The following ADCY9 variants were observed in gnomAD, a reference collection of about 807,000 sequenced individuals.
ADCY9 encodes adenylate cyclase 9.
ADCY9 carries 50 observed loss-of-function variants against 101.5 expected under a neutral mutation model. The ratio of observed to expected loss-of-function variants is 0.49; its 90% confidence interval spans 0.39 to 0.62. The LOEUF (loss-of-function observed/expected upper bound fraction) is 0.62, where lower values mean the gene tolerates loss of function less well. ADCY9 is among the 20% of genes least tolerant of loss of function. The pLI is 0.00. For missense variants in ADCY9, 1,662 were observed against 1,800.4 expected (o/e 0.92, Z 1.39); for synonymous variants, 905 against 769.3 (o/e 1.18, Z -2.92).
rs151002268 is a variant in ADCY9 at position 3,995,901 on chromosome 16, C to T, written c.1885-2391G>A. Reference sequence around the variant, plus strand: ...AAAATATACATGCCAAAACAGCTAGCGAAATCATTAATTAACATATCTGAG... The same window carrying T: ...AAAATATACATGCCAAAACAGCTAGTGAAATCATTAATTAACATATCTGAG... On this transcript the variant is annotated intron_variant, in intron 3 of 10. Transcript: ENST00000294016. 2.5e-3 allele frequency among the ~76,000 whole-genome samples: 382 copies of T among 152,124 alleles called. 1 individual carries two copies. Among genetic ancestry groups the T allele is most frequent in the African/African-American group, 8.3e-3 (346 of 41,470 alleles).
chr16:4,074,926 A>G (rs539820699), intron 2 of ADCY9, among the ~76,000 whole-genome samples: 8 of 152,170 alleles, frequency 5.3e-5, no homozygotes, highest in Admixed American at 3.9e-4. Context: ...TGTAATCCCA[A>G]TACTTTTGAG....
At chr16:4,055,332 A>C (rs1002977836) in intron 2 of ADCY9, among the ~76,000 whole-genome samples, 2 of 152,162 alleles carry the variant, frequency 1.3e-5, no homozygotes, top group Non-Finnish European at 2.9e-5. Context: ...CAGGAGTTCA[A>C]GACCAACCTG....
In ADCY9 at chr16:3,994,935, G is replaced by A. The variant is rs759830606; in HGVS notation, c.1885-1425C>T. 3.7e-4 allele frequency among the ~76,000 whole-genome samples: 57 copies of A among 152,066 alleles called. 1 individual carries two copies. The highest frequency in any genetic ancestry group is 3.4e-3 in the Admixed American group (52 of 15,248). ...AGGTACACGATTTCCAGATCTAGGC[G>A]TACTTAAAAGTTTATAGGAATTAAT... On this transcript the variant is annotated intron_variant, in intron 3 of 10. Coordinates refer to ENST00000294016, the MANE Select transcript of ADCY9 (RefSeq NM_001116.4).
At chr16:4,018,915 ACTTC>A (rs2056456274) in intron 2 of ADCY9, among the ~76,000 whole-genome samples, 1 of 116,138 alleles carries the variant, frequency 8.6e-6, no homozygotes, top group Non-Finnish European at 1.9e-5. Context: ...TGTATTTCGG[ACTTC>A]CTTTTTCTGA....
At chr16:4,041,344 A>C (rs1261492212) in intron 2 of ADCY9, among the ~76,000 whole-genome samples, 1 of 152,076 alleles carries the variant, frequency 6.6e-6, no homozygotes, top group Non-Finnish European at 1.5e-5. Flanking sequence ...TCTCTACTAA[A>C]AACACAAAAT....
chr16:3,989,749 CT>C, intron 5 of ADCY9, among the ~76,000 whole-genome samples: 1 of 152,196 alleles, frequency 6.6e-6, no homozygotes, highest in East Asian at 1.9e-4. Flanking sequence ...TTGAAACAAT[CT>C]TTTGTGAAGA....
intron 2 of ADCY9, among the ~76,000 whole-genome samples, chr16:4,047,308 G>T (rs2056671821): frequency 6.7e-6 from 1 of 150,272 alleles, no homozygotes; most frequent in South Asian, 2.1e-4. Flanking sequence ...AAGAGAGAAA[G>T]GAAGAGATAA....
At chr16:4,020,039 C>T (rs185630476) in intron 2 of ADCY9, among the ~76,000 whole-genome samples, 101 of 151,980 alleles carry the variant, frequency 6.6e-4, no homozygotes, top group African/African-American at 2.3e-3. Context: ...GATCGCGCCA[C>T]TGCACTCCAG....
chr16:4,011,058 T>G (rs2056401042), intron 2 of ADCY9, among the ~76,000 whole-genome samples: 4 of 152,106 alleles, frequency 2.6e-5, no homozygotes, highest in Admixed American at 2.6e-4. Flanking sequence ...GTTCTGTTAT[T>G]GCTTCACAAG....
chr16:3,992,480 C>T lies in ADCY9; in HGVS notation c.1990-117G>A, dbSNP rs908221209. On this transcript the variant is annotated intron_variant, in intron 4 of 10. Coordinates refer to ENST00000294016, the MANE Select transcript of ADCY9 (RefSeq NM_001116.4). This position sits in a 1 kb window ranked among gnomAD's most constrained non-coding sequence, Gnocchi z 4.2. ...GGGCGCTGCTGCACTGGGCGTGGGA[C>T]TTTCTGACCTGCGAGGAACCCCCAC... 2 of 913,892 alleles carry T rather than the reference C, an allele frequency of 2.2e-6. No homozygotes were observed. Among genetic ancestry groups the T allele is most frequent in the African/African-American group, 3.3e-5 (2 of 60,066 alleles). The allele number at this position is 913,892 out of a possible 1,614,324, so 56.6% of individuals were successfully genotyped here. A position where few individuals can be genotyped will look rare whatever the true frequency, so the allele number is the denominator to read the frequency against.
At chr16:3,980,928 G>C (rs567060966) in intron 7 of ADCY9, among the ~76,000 whole-genome samples, 6 of 152,314 alleles carry the variant, frequency 3.9e-5, no homozygotes, top group Admixed American at 3.9e-4. Flanking sequence ...AGAGGGTGAT[G>C]CAGGAAGCCT....
chr16:4,082,864 G>A (rs2056914121), intron 2 of ADCY9, among the ~76,000 whole-genome samples: 1 of 152,230 alleles, frequency 6.6e-6, no homozygotes, highest in Non-Finnish European at 1.5e-5. Flanking sequence ...GGAGGATGTG[G>A]CACATGGCCC....
At chr16:4,014,325 G>GAA (rs71394639) in intron 2 of ADCY9, among the ~76,000 whole-genome samples, 1 of 68,990 alleles carries the variant, frequency 1.4e-5, no homozygotes, top group African/African-American at 5.8e-5. Context: ...TCTCAAAAAA[G>GAA]AAAAAAAAAA....
intron 2 of ADCY9, among the ~76,000 whole-genome samples, chr16:4,100,124 G>A (rs566337409): frequency 9.9e-5 from 15 of 152,158 alleles, no homozygotes; most frequent in African/African-American, 2.9e-4. Context: ...GAGTTCTCAC[G>A]AGACCTGATG....
intron 7 of ADCY9, chr16:3,981,925 G>C (rs7187461): frequency 0.073 from 11,076 of 152,258 alleles, 695 homozygotes; most frequent in East Asian, 0.22. Context: ...TTTTAAAGAG[G>C]AAAAACAAAC....
intron 2 of ADCY9, among the ~76,000 whole-genome samples, chr16:4,056,428 A>G (rs1200298795): frequency 6.6e-6 from 1 of 152,096 alleles, no homozygotes; most frequent in African/African-American, 2.4e-5. Context: ...TAATTTTTGT[A>G]TTTTTAGTAG....
intron 3 of ADCY9, among the ~76,000 whole-genome samples, chr16:3,999,464 C>T (rs541272172): frequency 3.9e-5 from 6 of 151,930 alleles, no homozygotes; most frequent in African/African-American, 1.2e-4. Flanking sequence ...GCTCTGGCCC[C>T]CTTTCCTGGC....
At chr16:4,000,778 T>C (rs1007930267) in intron 3 of ADCY9, among the ~76,000 whole-genome samples, 2 of 151,598 alleles carry the variant, frequency 1.3e-5, no homozygotes, top group African/African-American at 4.9e-5. Flanking sequence ...GCGATCCGAG[T>C]CAAGAATAGA....
rs201893525 is a variant in ADCY9, at chr16:3,966,178, C to T, written c.3659G>A (p.Gly1220Asp). ...EESYRVLSKM[G>D]YDFDYRGTVN... ...GGTCCCTCTGTAGTCGAAGTCATAG[C>T]CCATCTTGCTCAAGACGCGGTAGCT... Residue 1220 changes from glycine (G) to aspartate (D), a missense_variant, in exon 11 of 11, where the codon GGC (glycine) becomes GAC (aspartate). Gly to Asp is a moderately conservative substitution (Grantham distance 94). Coordinates refer to ENST00000294016, the MANE Select transcript of ADCY9 (RefSeq NM_001116.4). The T allele has an allele frequency of 2.5e-6, 4 of 1,614,198 alleles. No homozygotes were observed. The East Asian group carries it at 6.7e-5, about 27-fold the overall frequency.
Sources: gnomAD v4.1 joint callset for allele counts (sites outside exome capture counted in the v4.1 genomes callset) on GRCh38, gnomAD v4.1.1 for gene constraint, Gnocchi (gnomAD v3.1) non-coding constraint, MANE v1.5 for transcripts, NCBI Gene and HGNC (gene_info 2026-07-23, HGNC 2026-07-21) for gene names.